Variants in GABRA3 observed in about 807,000 individuals in gnomAD.
GABRA3 encodes the protein gamma-aminobutyric acid type A receptor subunit alpha3.
In GABRA3, 10 loss-of-function variants were observed where a neutral mutation model predicts 30.1. The ratio of observed to expected loss-of-function variants is 0.33; its 90% CI spans 0.20 to 0.56. The LOEUF is 0.56. Among genes scored for constraint, GABRA3 ranks in the 20% least tolerant of loss-of-function variants. GABRA3 has a pLI of 0.89. For synonymous variants in GABRA3, 151 were observed against 146.8 expected (o/e 1.03, Z -0.21); for missense variants, 233 against 392.0 (o/e 0.59, Z 3.42).
At chrX:152,283,423 A>G (rs1492303) in intron 4 of GABRA3, among the ~76,000 whole-genome samples, 3,150 of 111,544 alleles carry the variant, frequency 0.028, 102 homozygotes, top group African/African-American at 0.097. Flanking sequence ...TCCTTTACCC[A>G]TGCCTGGCCT....
chrX:152,326,881 A>G (rs949625229), intron 3 of GABRA3, among the ~76,000 whole-genome samples: 2 of 111,555 alleles, frequency 1.8e-5, no homozygotes, highest in Non-Finnish European at 3.8e-5. Flanking sequence ...AATGGGCTAA[A>G]TGCTCCAATT....
rs145044587 is a variant in GABRA3 at position 152,423,094 on chromosome X, T to G, written c.-27+28052A>C. Among the ~76,000 whole-genome samples, 4 of 112,162 alleles carry G rather than the reference T, an allele frequency of 3.6e-5. No individual in the cohort carries two copies. In the East Asian group the frequency reaches 1.1e-3, roughly 31 times the overall value. ...AAATGCTATGAGAAGATATTTCATC[T>G]AATAATGAACAACAAATACTATAAA... On this transcript the variant is annotated intron_variant, in intron 1 of 9. Coordinates refer to ENST00000370314, the MANE Select transcript of GABRA3 (RefSeq NM_000808.4).
chrX:152,275,350 AATATATATTT>A (rs1939051956), intron 4 of GABRA3, among the ~76,000 whole-genome samples: 2 of 1,873 alleles, frequency 1.1e-3, no homozygotes, highest in African/African-American at 3.7e-3. Flanking sequence ...ATATATAATA[AATATATATTT>A]TAAATATAAA....
intron 1 of GABRA3, among the ~76,000 whole-genome samples, chrX:152,411,937 C>A (rs1391446410): frequency 9.0e-6 from 1 of 111,104 alleles, no homozygotes; most frequent in Non-Finnish European, 1.9e-5. Flanking sequence ...TAAATTATAT[C>A]TCGATAAAGC....
chrX:152,287,416 A>G (rs1207083982), intron 3 of GABRA3, among the ~76,000 whole-genome samples: 1 of 110,756 alleles, frequency 9.0e-6, no homozygotes, highest in East Asian at 2.9e-4. Flanking sequence ...TGTTCTCATG[A>G]TAATGAGTGA....
chrX:152,323,371 T>C (rs1390052662), intron 3 of GABRA3, among the ~76,000 whole-genome samples: 1 of 111,744 alleles, frequency 8.9e-6, no homozygotes, highest in African/African-American at 3.3e-5. Flanking sequence ...GGACTGGAAT[T>C]CAAGAGGCCA....
At chrX:152,385,980 G>C (rs1165733543) in intron 1 of GABRA3, among the ~76,000 whole-genome samples, 3 of 110,491 alleles carry the variant, frequency 2.7e-5, no homozygotes, top group African/African-American at 9.9e-5. Context: ...GTACCATGCT[G>C]TTTTGGTTAC....
In GABRA3 at chrX:152,274,276, G is replaced by GT. The variant is rs767594723; in HGVS notation, c.330+10391dup. The stretch of plus-strand genomic sequence containing the variant: ...GAAAGACCAATCAGACCAATAATTT[G>GT]TAAGTTTAAAAAATTAGAACAACCC... On this transcript the variant is annotated intron_variant, in intron 4 of 9. Coordinates refer to ENST00000370314, the MANE Select transcript of GABRA3 (RefSeq NM_000808.4). Among the ~76,000 whole-genome samples the GT allele has an allele frequency of 1.3e-3, 147 of 111,165 alleles. 1 individual carries two copies. Among genetic ancestry groups the GT allele is most frequent in the African/African-American group, 4.6e-3 (141 of 30,641 alleles).
chrX:152,401,865 C>T (rs1220003977), intron 1 of GABRA3, among the ~76,000 whole-genome samples: 1 of 111,392 alleles, frequency 9.0e-6, no homozygotes, highest in Non-Finnish European at 1.9e-5. Context: ...CATGTAGAAA[C>T]CAGCACTAAG....
intron 1 of GABRA3, among the ~76,000 whole-genome samples, chrX:152,405,210 G>C (rs761276949): frequency 4.8e-5 from 5 of 103,812 alleles, no homozygotes; most frequent in Non-Finnish European, 9.7e-5. Flanking sequence ...GAACTCAGTG[G>C]CCCTGTCACA....
chrX:152,227,461 A>T (rs1325453168), intron 5 of GABRA3, among the ~76,000 whole-genome samples: 17 of 106,264 alleles, frequency 1.6e-4, no homozygotes, highest in African/African-American at 4.8e-4. Context: ...GCAGCACACG[A>T]GCATGGCACA....
At chrX:152,353,065 A>AC (rs1940501466) in intron 2 of GABRA3, among the ~76,000 whole-genome samples, 1 of 110,751 alleles carries the variant, frequency 9.0e-6, no homozygotes, top group Non-Finnish European at 1.9e-5. Flanking sequence ...AGCTGCTTGA[A>AC]GAAAAAAAAA....
At chrX:152,390,381 T>G (rs188509159) in intron 1 of GABRA3, among the ~76,000 whole-genome samples, 1 of 112,618 alleles carries the variant, frequency 8.9e-6, no homozygotes, top group Admixed American at 9.4e-5. Context: ...GATGGCTATC[T>G]CATTACAACA....
intron 4 of GABRA3, among the ~76,000 whole-genome samples, chrX:152,273,398 A>G (rs1435613251): frequency 8.9e-6 from 1 of 112,130 alleles, no homozygotes; most frequent in Non-Finnish European, 1.9e-5. Context: ...AAAATATTAA[A>G]GATAGAACTA....
chrX:152,272,876 G>A, intron 4 of GABRA3, among the ~76,000 whole-genome samples: 1 of 111,135 alleles, frequency 9.0e-6, no homozygotes, highest in Middle Eastern at 4.6e-3. Flanking sequence ...GCAACCATGT[G>A]AAGGGGGATG....
intron 9 of GABRA3, among the ~76,000 whole-genome samples, chrX:152,186,266 G>C: frequency 9.0e-6 from 1 of 110,727 alleles, no homozygotes; most frequent in South Asian, 3.9e-4. Context: ...GCCCAGGCTG[G>C]AGTGCAGTGG....
At chrX:152,432,470 A>G (rs1260410620) in intron 1 of GABRA3, among the ~76,000 whole-genome samples, 1 of 111,944 alleles carries the variant, frequency 8.9e-6, no homozygotes. Context: ...CAAAATCATA[A>G]AAGAATATTA....
chrX:152,262,517 C>G (rs747425991), intron 4 of GABRA3, among the ~76,000 whole-genome samples: 1 of 111,868 alleles, frequency 8.9e-6, no homozygotes, highest in Non-Finnish European at 1.9e-5. Context: ...AAAATTTCAC[C>G]GGTCTCTTTG....
chrX:152,364,096 A>G (rs999602504), intron 2 of GABRA3, among the ~76,000 whole-genome samples: 4 of 111,509 alleles, frequency 3.6e-5, no homozygotes, highest in Non-Finnish European at 3.8e-5. Flanking sequence ...CCTAAACATT[A>G]TCATGTTTAA....
Sources: allele counts gnomAD v4.1 joint callset (sites outside exome capture counted in the v4.1 genomes callset), GRCh38; gene constraint gnomAD v4.1.1; transcripts MANE v1.5; gene names NCBI Gene and HGNC (gene_info 2026-07-23, HGNC 2026-07-21).